Variants in NT5M observed in about 807,000 individuals in gnomAD.
NT5M encodes 5',3'-nucleotidase, mitochondrial, also known as 5'(3')-deoxyribonucleotidase, mitochondrial.
NT5M carries 22 observed loss-of-function variants against 22.2 expected under a neutral mutation model. That is an observed-to-expected ratio of 0.99 (90% CI 0.71 to 1.41). The LOEUF (loss-of-function observed/expected upper bound fraction) is 1.41. Among genes scored for constraint, NT5M ranks in the 40% most tolerant of loss-of-function variants. The pLI, the probability that NT5M is intolerant of heterozygous loss-of-function variation, is 0.00. For missense variants in NT5M, 322 were observed against 314.8 expected, an observed-to-expected ratio of 1.02 and a Z score of -0.17; for synonymous variants, 167 against 133.0, an observed-to-expected ratio of 1.26 and a Z score of -1.76.
intron 4 of NT5M, 158 bp downstream of exon 4, chr17:17,345,066 T>C: frequency 8.4e-7 from 1 of 1,196,200 alleles, no homozygotes; most frequent in Non-Finnish European, 1.1e-6. Flanking sequence ...AGGCCCCCTC[T>C]GTATGGGCTG....
In NT5M at chr17:17,303,611, C is replaced by CGGCGCGGGGCGGCG; in HGVS notation, c.66_79dup (p.Gly27AlafsTer67). On this transcript the variant is annotated frameshift_variant, in exon 1 of 5. Transcript: ENST00000389022. LOFTEE classifies it high-confidence loss of function. ...CTGCAGCGCGGCGGTTCCCGCGGGG[C>CGGCGCGGGGCGGCG]GGCGCGGGGCGGCGGGCGGGCTGGG... The CGGCGCGGGGCGGCG allele has an allele frequency of 2.4e-6, 3 of 1,253,940 alleles. No homozygotes were observed. Among genetic ancestry groups the CGGCGCGGGGCGGCG allele is most frequent in the Non-Finnish European group, 3.0e-6 (3 of 994,140 alleles). 77.7% of individuals were successfully genotyped at this position (1,253,940 alleles called of 1,614,324 possible). A position where few individuals can be genotyped will look rare whatever the true frequency, so the allele number is the denominator to read the frequency against.
chr17:17,340,373 T>C (rs918190798), intron 3 of NT5M, among the ~76,000 whole-genome samples: 2 of 152,314 alleles, frequency 1.3e-5, no homozygotes, highest in African/African-American at 4.8e-5. Context: ...TCTCTCTTTT[T>C]TTCTTAGTCT....
At chr17:17,310,897 G>A (rs1164714710) in intron 2 of NT5M, among the ~76,000 whole-genome samples, 3 of 152,116 alleles carry the variant, frequency 2.0e-5, no homozygotes, top group Non-Finnish European at 2.9e-5. Context: ...AGTGGCTCAC[G>A]CCTCTTATCC....
At chr17:17,318,365 A>T (rs2049076675) in intron 2 of NT5M, among the ~76,000 whole-genome samples, 1 of 151,674 alleles carries the variant, frequency 6.6e-6, no homozygotes, top group Admixed American at 6.6e-5. Context: ...CTGTAATCCC[A>T]GCTACTTGGG....
Position 17,306,600 on chromosome 17 carries a change from C to T in NT5M, c.325C>T (p.Pro109Ser). Residue 109 changes from proline to serine, a missense_variant, in exon 2 of 5, where the codon CCA (proline) becomes TCA (serine). Physicochemically the swap from Pro to Ser is moderately conservative, Grantham distance 74 (BLOSUM62 -1). Coordinates refer to ENST00000389022, the MANE Select transcript of NT5M (RefSeq NM_020201.4). Reference sequence around the variant, plus strand: ...TTTCTTTTTTGAACTTGAGCCTCTGCCAGGGGCCGTGGAAGCTGTCAAGGA... The same window carrying T: ...TTTCTTTTTTGAACTTGAGCCTCTGTCAGGGGCCGTGGAAGCTGTCAAGGA... ...KNFFFELEPL[P>S]GAVEAVKEMA... 1 of 1,614,012 alleles carries T rather than the reference C, an allele frequency of 6.2e-7. No individual in the cohort carries two copies. The highest frequency in any genetic ancestry group is 8.5e-7 in the Non-Finnish European group (1 of 1,179,978).
In NT5M at chr17:17,345,649, AAAC is replaced by A. The variant is rs2049743364; in HGVS notation, c.544+743_544+745del. Among the ~76,000 whole-genome samples, 4 of 150,788 alleles carry A rather than the reference AAAC, an allele frequency of 2.7e-5. No homozygotes were observed. The South Asian group carries it at 8.6e-4, about 32-fold the overall frequency. ...CCTGTCTCTACAAAAAAAAAAAAAA[AAAC>A]ACAAAAAAATTAGCTGATCATCATG... is the stretch of plus-strand genomic sequence containing the variant. On this transcript the variant is annotated intron_variant, in intron 4 of 4. Transcript: ENST00000389022.
At chr17:17,311,415 G>A (rs1048123470) in intron 2 of NT5M, among the ~76,000 whole-genome samples, 4 of 151,964 alleles carry the variant, frequency 2.6e-5, no homozygotes, top group African/African-American at 7.2e-5. Flanking sequence ...TTTGTATATG[G>A]TGTGAGGTAG....
At chr17:17,326,031 C>T (rs528752844) in intron 3 of NT5M, among the ~76,000 whole-genome samples, 82 of 152,296 alleles carry the variant, frequency 5.4e-4, no homozygotes, top group African/African-American at 1.9e-3. Flanking sequence ...CAGCACCCAG[C>T]GCAGGGTGGC....
In NT5M at chr17:17,316,724, GT is replaced by G. The variant is rs537562722; in HGVS notation, c.369-6452del. On this transcript the variant is annotated intron_variant, in intron 2 of 4. Coordinates refer to ENST00000389022, the MANE Select transcript of NT5M (RefSeq NM_020201.4). ...TTTTGTTTTGTTTTGTTTTGTTTTT[GT>G]TTTTTTTTGAGATGGAGTCTCGCTC... Among the ~76,000 whole-genome samples the G allele has an allele frequency of 2.2e-4, 27 of 124,208 alleles. No individual in the cohort carries two copies. The South Asian group carries it at 6.7e-3, about 31-fold the overall frequency. The allele number at this position is 124,208 out of a possible 152,430, so 81.5% of individuals were successfully genotyped here.
chr17:17,303,851 CCTT>C (rs2048734702), intron 1 of NT5M, 34 bp downstream of exon 1: 4 of 1,346,318 alleles, frequency 3.0e-6, no homozygotes, highest in South Asian at 1.8e-5. Flanking sequence ...CGCCGGGCCT[CCTT>C]CTCGCCCCGA....
intron 2 of NT5M, among the ~76,000 whole-genome samples, chr17:17,315,176 G>T (rs1433433319): frequency 6.6e-6 from 1 of 152,152 alleles, no homozygotes; most frequent in Non-Finnish European, 1.5e-5. Flanking sequence ...CACTCATTTA[G>T]AAGGATAAGA....
intron 2 of NT5M, among the ~76,000 whole-genome samples, chr17:17,307,845 G>A (rs1403617794): frequency 6.6e-6 from 1 of 151,816 alleles, no homozygotes; most frequent in Middle Eastern, 3.4e-3. Flanking sequence ...GCGACAGAGC[G>A]AGATTCTGCC....
At chr17:17,304,405 G>C (rs562133860) in intron 1 of NT5M, 3 of 985,374 alleles carry the variant, frequency 3.0e-6, no homozygotes, top group African/African-American at 3.5e-5. Flanking sequence ...CCTACCATCC[G>C]ACTCCCGAGG....
chr17:17,343,672 G>T (rs2049696599), intron 3 of NT5M, among the ~76,000 whole-genome samples: 1 of 152,198 alleles, frequency 6.6e-6, no homozygotes, highest in Non-Finnish European at 1.5e-5. Context: ...TGAGCTCCCT[G>T]TGCAGCCTGG....
At chr17:17,323,690 C>T (rs1350101229) in intron 3 of NT5M, among the ~76,000 whole-genome samples, 1 of 152,228 alleles carries the variant, frequency 6.6e-6, no homozygotes, top group Non-Finnish European at 1.5e-5. Context: ...GAGGAAAGGT[C>T]TGTGGCCCTG....
At chr17:17,325,739 C>A (rs913543260) in intron 3 of NT5M, among the ~76,000 whole-genome samples, 1 of 152,180 alleles carries the variant, frequency 6.6e-6, no homozygotes, top group Admixed American at 6.5e-5. Context: ...CCACTGTGCC[C>A]CCCTCTCTGT....
At chr17:17,305,395 C>CCG (rs1555625210) in intron 1 of NT5M, among the ~76,000 whole-genome samples, 5 of 12,250 alleles carry the variant, frequency 4.1e-4, no homozygotes, top group Admixed American at 2.9e-3. Flanking sequence ...AAAACAACCG[C>CCG]CCCCCCCCCC....
Position 17,303,439 on chromosome 17 carries a change from A to C in NT5M, c.-112A>C, listed in dbSNP as rs2048722557. ...CGCCCCGCTCCCCGTCCCGCGCTCC[A>C]CGCGCGCCCCAGCGTTGGGGGCTTC... On this transcript the variant is annotated 5_prime_UTR_variant, in exon 1 of 5. Transcript: ENST00000389022. 5 of 992,942 alleles carry C rather than the reference A, an allele frequency of 5.0e-6. No individual in the cohort carries two copies. The highest frequency in any genetic ancestry group is 1.8e-5 in the African/African-American group (1 of 56,968). 61.5% of individuals were successfully genotyped at this position (992,942 alleles called of 1,614,324 possible).
rs553279683 is a variant in NT5M at position 17,325,795 on chromosome 17, C to T, written c.429+2550C>T. 7.2e-5 allele frequency among the ~76,000 whole-genome samples: 11 copies of T among 152,280 alleles called. No homozygotes were observed. The East Asian group carries it at 1.9e-3, about 27-fold the overall frequency. ...GGCTTGGAATGTTCTCCTCCCACCC[C>T]TAGGTCTGGTGCCTTCTTGTCCACG... On this transcript the variant is annotated intron_variant, in intron 3 of 4. Transcript: ENST00000389022.
Sources: gnomAD v4.1 joint callset for allele counts (sites outside exome capture counted in the v4.1 genomes callset) on GRCh38, gnomAD v4.1.1 for gene constraint, MANE v1.5 for transcripts, NCBI Gene and HGNC (gene_info 2026-07-23, HGNC 2026-07-21) for gene names.